DLC1: variants seen among roughly 807,000 people sequenced by gnomAD.
DLC1 encodes the protein DLC1 Rho GTPase activating protein, also known as rho GTPase-activating protein 7.
Under a neutral mutation model 140.3 loss-of-function variants are expected in DLC1, and 54 were observed. The observed-to-expected ratio is 0.38, with a 90% CI of 0.31 to 0.48. The LOEUF (loss-of-function observed/expected upper bound fraction) is 0.48, where lower values mean the gene tolerates loss of function less well. Ranked by LOEUF, DLC1 falls within the 20% of genes least tolerant of loss-of-function variation. The pLI, the probability that DLC1 is intolerant of heterozygous loss-of-function variation, is 0.96. For synonymous variants in DLC1, 986 were observed against 728.1 expected (o/e 1.35, Z -5.70); for missense variants, 2,536 against 1,907.0 (o/e 1.33, Z -6.14).
At chr8:13,589,996 C>G (rs536036142) in intron 1 of DLC1, among the ~76,000 whole-genome samples, 10 of 150,888 alleles carry the variant, frequency 6.6e-5, no homozygotes, top group African/African-American at 2.0e-4. Context: ...AAAATTTCAA[C>G]AGCGAACATG....
intron 5 of DLC1, among the ~76,000 whole-genome samples, chr8:13,142,700 G>A (rs2128971831): frequency 6.6e-6 from 1 of 152,200 alleles, no homozygotes; most frequent in East Asian, 1.9e-4. Flanking sequence ...ACTAAAATAG[G>A]GAAAGAAAAC....
intron 10 of DLC1, chr8:13,096,025 T>C (rs74677986): frequency 6.6e-6 from 1 of 152,316 alleles, no homozygotes; most frequent in East Asian, 1.9e-4. Flanking sequence ...ACCCCAGCAC[T>C]ATATGCAACA....
chr8:13,599,724 A>G (rs1360778756), intron 1 of DLC1, among the ~76,000 whole-genome samples: 1 of 151,984 alleles, frequency 6.6e-6, no homozygotes, highest in Non-Finnish European at 1.5e-5. Flanking sequence ...TGTCAACTCT[A>G]TCCAAATGTA....
chr8:13,561,965 T>A (rs1309779248), intron 1 of DLC1, among the ~76,000 whole-genome samples: 1 of 152,112 alleles, frequency 6.6e-6, no homozygotes, highest in Non-Finnish European at 1.5e-5. Flanking sequence ...ATTATATATT[T>A]GGAAAACACA....
At chr8:13,366,921 G>A (rs1835510491) in intron 4 of DLC1, among the ~76,000 whole-genome samples, 1 of 152,080 alleles carries the variant, frequency 6.6e-6, no homozygotes. Context: ...ATTCCTCGAT[G>A]TGTTGCATCA....
At chr8:13,338,508 A>G (rs1833898187) in intron 4 of DLC1, 1 of 152,208 alleles carries the variant, frequency 6.6e-6, no homozygotes, top group East Asian at 1.9e-4. Flanking sequence ...ATTACATATT[A>G]TAAAAACCAA....
At chr8:13,283,151 T>A (rs1831422755) in intron 5 of DLC1, among the ~76,000 whole-genome samples, 1 of 152,168 alleles carries the variant, frequency 6.6e-6, no homozygotes, top group South Asian at 2.1e-4. Context: ...ACATAACTTG[T>A]TGATTATACT....
At chr8:13,415,925 G>A (rs981460375) in intron 2 of DLC1, among the ~76,000 whole-genome samples, 14 of 152,200 alleles carry the variant, frequency 9.2e-5, no homozygotes, top group East Asian at 5.8e-4. Context: ...ATGTCTTCTC[G>A]AAATTTCTCC....
chr8:13,398,911 C>G (rs774286317), intron 3 of DLC1, among the ~76,000 whole-genome samples: 1 of 152,102 alleles, frequency 6.6e-6, no homozygotes, highest in Non-Finnish European at 1.5e-5. Flanking sequence ...TCAATGGTCT[C>G]AATTTTCTAT....
intron 2 of DLC1, among the ~76,000 whole-genome samples, chr8:13,446,337 T>C (rs916876575): frequency 1.3e-5 from 2 of 152,232 alleles, no homozygotes; most frequent in Non-Finnish European, 2.9e-5. Flanking sequence ...AGTCTATTCT[T>C]GTTCTTTCTC....
intron 3 of DLC1, among the ~76,000 whole-genome samples, chr8:13,395,311 C>T (rs889965396): frequency 5.3e-5 from 8 of 151,912 alleles, no homozygotes; most frequent in Non-Finnish European, 1.0e-4. Flanking sequence ...TTAGTAGAGA[C>T]GGGGTTTCAC....
chr8:13,156,378 G>T (rs1323312059), intron 5 of DLC1, among the ~76,000 whole-genome samples: 1 of 152,106 alleles, frequency 6.6e-6, no homozygotes, highest in East Asian at 1.9e-4. Context: ...ATAATTACAA[G>T]GTTACAAGGT....
intron 2 of DLC1, among the ~76,000 whole-genome samples, chr8:13,424,175 C>T (rs141360462): frequency 6.6e-6 from 1 of 152,136 alleles, no homozygotes; most frequent in African/African-American, 2.4e-5. Flanking sequence ...ACTCATTGTC[C>T]TACCTGGAAA....
At chr8:13,539,313 C>A (rs1381789752) in intron 1 of DLC1, among the ~76,000 whole-genome samples, 2 of 152,092 alleles carry the variant, frequency 1.3e-5, no homozygotes, top group Non-Finnish European at 2.9e-5. Flanking sequence ...CATTCTCCTG[C>A]CTTAGCCTCC....
At chr8:13,529,251 A>G (rs1388566914) in intron 1 of DLC1, among the ~76,000 whole-genome samples, 1 of 152,234 alleles carries the variant, frequency 6.6e-6, no homozygotes, top group Non-Finnish European at 1.5e-5. Flanking sequence ...TTGAGCACCT[A>G]CTATGTGTAA....
intron 5 of DLC1, among the ~76,000 whole-genome samples, chr8:13,269,336 T>G (rs1188277): frequency 0.51 from 77,937 of 151,986 alleles, 20,551 homozygotes; most frequent in East Asian, 0.83. Flanking sequence ...TTAGTGGTTG[T>G]CCTTGAGCTA....
At chr8:13,321,535 T>G (rs1209556496) in intron 4 of DLC1, among the ~76,000 whole-genome samples, 1 of 40,798 alleles carries the variant, frequency 2.5e-5, no homozygotes, top group Non-Finnish European at 4.4e-5. Context: ...AGACTCAGTC[T>G]CAAAAAAGAA....
chr8:13,595,493 C>A (rs1356875203), intron 1 of DLC1, among the ~76,000 whole-genome samples: 1 of 151,980 alleles, frequency 6.6e-6, no homozygotes, highest in Non-Finnish European at 1.5e-5. Context: ...ACATGTGTTG[C>A]TTTGAATATT....
chr8:13,274,994 T>C (rs913379770), intron 5 of DLC1, among the ~76,000 whole-genome samples: 4 of 152,202 alleles, frequency 2.6e-5, no homozygotes, highest in African/African-American at 9.7e-5. Flanking sequence ...AAATAAAAAA[T>C]CATATTGGAA....
Sources: gnomAD v4.1 joint callset for allele counts (sites outside exome capture counted in the v4.1 genomes callset) on GRCh38, gnomAD v4.1.1 for gene constraint, MANE v1.5 for transcripts, NCBI Gene and HGNC (gene_info 2026-07-23, HGNC 2026-07-21) for gene names.